Variants in CAST observed in about 807,000 individuals in gnomAD.
CAST encodes the protein MIR583 host.
A neutral mutation model predicts 119.6 loss-of-function variants in CAST; 76 were observed. The observed-to-expected ratio is 0.64, with a 90% CI of 0.53 to 0.77. The LOEUF (loss-of-function observed/expected upper bound fraction) is 0.77, where lower values mean the gene tolerates loss of function less well. Among genes scored for constraint, CAST ranks in the 30% least tolerant of loss-of-function variants. The pLI is 0.00. For missense variants in CAST, 953 were observed against 946.5 expected (o/e 1.01, Z -0.09); for synonymous variants, 319 against 331.6 (o/e 0.96, Z 0.41).
At chr5:96,669,390 A>G (rs556175779) in intron 1 of CAST, among the ~76,000 whole-genome samples, 20 of 152,316 alleles carry the variant, frequency 1.3e-4, no homozygotes, top group African/African-American at 4.8e-4. Flanking sequence ...GAGCAAAATT[A>G]CTTCTCAGGG....
chr5:96,740,859 C>A, intron 13 of CAST, 76 bp downstream of exon 13: 1 of 928,718 alleles, frequency 1.1e-6, no homozygotes, highest in Non-Finnish European at 1.8e-6. Flanking sequence ...GCTATCAATT[C>A]TATATTTGAG....
chr5:96,686,161 G>T (rs989601221), intron 2 of CAST, among the ~76,000 whole-genome samples: 3 of 130,148 alleles, frequency 2.3e-5, no homozygotes, highest in Non-Finnish European at 3.1e-5. Flanking sequence ...TAGATCTTTT[G>T]ATTATTCCTT....
chr5:96,068,218 T>C, the CAST span, among the ~76,000 whole-genome samples: 1 of 152,122 alleles, frequency 6.6e-6, no homozygotes, highest in Non-Finnish European at 1.5e-5. Context: ...TGCTTGGGAA[T>C]TTCTTCACCA....
intron 1 of CAST, among the ~76,000 whole-genome samples, chr5:96,617,529 C>T (rs1345799691): frequency 6.6e-6 from 1 of 151,946 alleles, no homozygotes; most frequent in Non-Finnish European, 1.5e-5. Flanking sequence ...GTGGCTCATG[C>T]CTGTAATCCC....
chr5:96,093,644 G>C, the CAST span, among the ~76,000 whole-genome samples: 1 of 152,224 alleles, frequency 6.6e-6, no homozygotes, highest in Admixed American at 6.5e-5. Flanking sequence ...ACAGAGGCCT[G>C]TTTGATACTG....
At chr5:96,441,457 T>G in the CAST span, among the ~76,000 whole-genome samples, 2 of 152,158 alleles carry the variant, frequency 1.3e-5, no homozygotes, top group African/African-American at 2.4e-5. Context: ...AAGTAGTTTA[T>G]CCACGGCTCA....
At chr5:96,344,908 C>T in the CAST span, among the ~76,000 whole-genome samples, 18 of 152,250 alleles carry the variant, frequency 1.2e-4, 1 homozygote, top group East Asian at 2.3e-3. Context: ...GTACAGAATA[C>T]CGTGATATAA....
chr5:96,034,504 CACATAT>C, the CAST span, among the ~76,000 whole-genome samples: 116 of 121,080 alleles, frequency 9.6e-4, no homozygotes, highest in African/African-American at 3.6e-3. Flanking sequence ...CACACACACA[CACATAT>C]GTGTGTGTGT....
the CAST span, among the ~76,000 whole-genome samples, chr5:96,457,681 T>C: frequency 6.6e-6 from 1 of 152,244 alleles, no homozygotes; most frequent in Non-Finnish European, 1.5e-5. Context: ...CTTGACTCTC[T>C]TTTCTCTTCC....
intron 3 of CAST, among the ~76,000 whole-genome samples, chr5:96,722,039 T>C (rs1459159654): frequency 6.6e-6 from 1 of 152,244 alleles, no homozygotes; most frequent in Admixed American, 6.5e-5. Context: ...GGGAGTTTTG[T>C]CCTTCTATCT....
intron 1 of CAST, among the ~76,000 whole-genome samples, chr5:96,566,501 G>A (rs1746472012): frequency 6.6e-6 from 1 of 152,190 alleles, no homozygotes. Context: ...GGAACCACAG[G>A]TTATAAAGCA....
At chr5:96,312,966 G>A in the CAST span, among the ~76,000 whole-genome samples, 1 of 152,052 alleles carries the variant, frequency 6.6e-6, no homozygotes, top group Non-Finnish European at 1.5e-5. Flanking sequence ...TACATACTAT[G>A]GATGTTGTAG....
At chr5:96,714,374 T>C (rs1449445491) in intron 3 of CAST, among the ~76,000 whole-genome samples, 1 of 152,210 alleles carries the variant, frequency 6.6e-6, no homozygotes. Context: ...TAGCATATAA[T>C]ATTAGAACTG....
the CAST span, among the ~76,000 whole-genome samples, chr5:96,155,193 T>TC: frequency 6.6e-6 from 1 of 152,196 alleles, no homozygotes; most frequent in African/African-American, 2.4e-5. Context: ...CAATGTGCTT[T>TC]CACCCACTGT....
At position 96,662,498 on chromosome 5, in the gene CAST, G is replaced by A; in HGVS notation, c.75+1G>A. 2 of 1,406,194 alleles carry A rather than the reference G, an allele frequency of 1.4e-6. No homozygotes were observed. The highest frequency in any genetic ancestry group is 1.8e-6 in the Non-Finnish European group (2 of 1,085,896). The allele number at this position is 1,406,194 out of a possible 1,614,324, so 87.1% of individuals were successfully genotyped here. On this transcript the variant is annotated splice_donor_variant, in intron 1 of 31. Transcript: ENST00000675179. LOFTEE classifies it high-confidence loss of function. ...AGCCGCCGCCCGCCGCACCCATGAG[G>A]TGAGTGGCGCTCCTGTCGGCGTCGC...
At chr5:95,999,023 T>C in the CAST span, among the ~76,000 whole-genome samples, 1 of 152,166 alleles carries the variant, frequency 6.6e-6, no homozygotes, top group Non-Finnish European at 1.5e-5. Context: ...TTTTTTCACC[T>C]GTTTATTGGC....
the CAST span, among the ~76,000 whole-genome samples, chr5:96,334,461 T>C: frequency 0.54 from 81,971 of 151,908 alleles, 22,444 homozygotes; most frequent in Non-Finnish European, 0.55. Flanking sequence ...CCTGCACATC[T>C]ATAAGCCACA....
the CAST span, among the ~76,000 whole-genome samples, chr5:96,186,888 C>T: frequency 2.6e-5 from 4 of 152,156 alleles, no homozygotes; most frequent in Admixed American, 6.5e-5. Context: ...AGGAGTCCCT[C>T]CTTTTCAATT....
In CAST at chr5:96,768,041, T is replaced by C. The variant is rs757879247; in HGVS notation, c.2268+42T>C. On this transcript the variant is annotated intron_variant, in intron 29 of 31. Coordinates refer to ENST00000675179, the MANE Select transcript of CAST (RefSeq NM_001750.7). ...CATTTCACTCTTTGAAATGTGTGTG[T>C]GTGTATGTGTACATACATATAAGTT... 4 of 1,224,910 alleles carry C rather than the reference T, an allele frequency of 3.3e-6. No individual in the cohort carries two copies. In the South Asian group the frequency reaches 3.6e-5, roughly 11 times the overall value. 75.9% of individuals were successfully genotyped at this position (1,224,910 alleles called of 1,614,324 possible).
Sources: allele counts gnomAD v4.1 joint callset (sites outside exome capture counted in the v4.1 genomes callset), GRCh38; gene constraint gnomAD v4.1.1; transcripts MANE v1.5; gene names NCBI Gene and HGNC (gene_info 2026-07-23, HGNC 2026-07-21).